Variants in SRCAP observed in about 807,000 individuals in gnomAD.
The protein encoded by SRCAP is Snf2 related CREBBP activator protein, also known as chromatin remodeling protein SRCAP.
A neutral mutation model predicts 263.1 loss-of-function variants in SRCAP; 46 were observed. That is an observed-to-expected ratio of 0.17 (90% confidence interval 0.14 to 0.22). The LOEUF (loss-of-function observed/expected upper bound fraction) is 0.22, where lower values mean the gene tolerates loss of function less well. Among genes scored for constraint, SRCAP ranks in the 10% least tolerant of loss-of-function variants. The pLI is 1.00. For synonymous variants in SRCAP, 1,813 were observed against 1,662.1 expected, an observed-to-expected ratio of 1.09 and a Z score of -2.21; for missense variants, 3,695 against 4,181.9, an observed-to-expected ratio of 0.88 and a Z score of 3.21.
chr16:30,712,306 G>A lies in SRCAP; in HGVS notation c.1860G>A (p.Glu620=), dbSNP rs1367414954. ...TGCTTCTGCGGGGCCAGCTCCGGGAGTACCAGCACATTGGGCTAGACTGGC... is the reference window on the plus strand; with the variant it reads ...TGCTTCTGCGGGGCCAGCTCCGGGAATACCAGCACATTGGGCTAGACTGGC... ...IPLLLRGQLR[E]YQHIGLDWLV... Residue 620 remains glutamate, a synonymous_variant, in exon 13 of 34, where the codon GAG becomes GAA. Transcript: ENST00000262518. 1.2e-6 allele frequency: 2 copies of A among 1,607,670 alleles called. No individual in the cohort carries two copies. Among genetic ancestry groups the A allele is most frequent in the South Asian group, 2.2e-5 (2 of 90,506 alleles).
chr16:30,726,079 A>G (rs867557170), intron 25 of SRCAP: 1 of 152,276 alleles, frequency 6.6e-6, no homozygotes, highest in East Asian at 1.9e-4. Context: ...AATGACTACC[A>G]TCCTACTTTT....
At chr16:30,726,233 TAATG>T (rs1177875737) in intron 25 of SRCAP, 3 of 152,246 alleles carry the variant, frequency 2.0e-5, no homozygotes, top group Non-Finnish European at 2.9e-5. Flanking sequence ...TGTTGAATAA[TAATG>T]TATGAATACC....
In SRCAP at chr16:30,704,510, A is replaced by G. The variant is rs189944583; in HGVS notation, c.306+195A>G. On this transcript the variant is annotated intron_variant, in intron 4 of 33. Transcript: ENST00000262518. ...CCTTGCTGTAAATAAAATAGGAATG[A>G]TATAATAGTTTATAGGCTATTAAGA... 1.1e-3 allele frequency among the ~76,000 whole-genome samples: 163 copies of G among 152,312 alleles called. 1 individual carries two copies. The highest frequency in any genetic ancestry group is 1.1e-3 in the Non-Finnish European group (73 of 68,022).
intron 3 of SRCAP, among the ~76,000 whole-genome samples, chr16:30,703,340 C>A (rs2052790347): frequency 6.6e-6 from 1 of 150,792 alleles, no homozygotes; most frequent in Admixed American, 6.6e-5. Context: ...ATTACAGGCT[C>A]CCGCCACCAC....
chr16:30,735,977 C>T (rs1471857728), intron 31 of SRCAP, among the ~76,000 whole-genome samples: 1 of 151,256 alleles, frequency 6.6e-6, no homozygotes. Flanking sequence ...CGAGCAATCT[C>T]AAAAATACTC....
At chr16:30,705,988 G>A (rs550997994) in intron 4 of SRCAP, among the ~76,000 whole-genome samples, 3 of 152,324 alleles carry the variant, frequency 2.0e-5, no homozygotes, top group East Asian at 1.9e-4. Flanking sequence ...ACAGGTGTGA[G>A]CACAACCTGT....
chr16:30,722,585 A>G lies in SRCAP; in HGVS notation c.3729A>G (p.Ser1243=), dbSNP rs2053021574. 2 of 1,613,932 alleles carry G rather than the reference A, an allele frequency of 1.2e-6. No homozygotes were observed. The highest frequency in any genetic ancestry group is 2.2e-5 in the South Asian group (2 of 91,066). Residue 1243 remains serine, a synonymous_variant, in exon 23 of 34, where the codon TCA becomes TCG. Transcript: ENST00000262518. ...PLQRNVVHLV[S]AGGQHHLISQ... ...CAGGGAATGTGGTGCACCTCGTGTC[A>G]GCAGGGGGGCAGCACCATCTCATCA...
chr16:30,736,833 C>T (rs547588045), intron 33 of SRCAP, among the ~76,000 whole-genome samples: 4 of 152,016 alleles, frequency 2.6e-5, no homozygotes, highest in East Asian at 1.9e-4. Context: ...CCACCACGCC[C>T]GGCTAATTTT....
rs752527165 is a variant in SRCAP, at chr16:30,724,418, C to T, written c.4994C>T (p.Pro1665Leu). The change falls in exon 25 of 34, where the codon CCA becomes CTA. Residue 1665 changes from proline to leucine, a missense_variant. Pro to Leu is a moderately conservative substitution (Grantham distance 98). Coordinates refer to ENST00000262518, the MANE Select transcript of SRCAP (RefSeq NM_006662.3). ...CCATCATCAACTCAAACTATGCTAC[C>T]AGCCCCGGTTCCGTCACCTCTCCCG... ...LAPSSTQTMLPAPVPSPLPSP... is the reference protein window; with the variant it reads ...LAPSSTQTMLLAPVPSPLPSP... 3.1e-6 allele frequency: 5 copies of T among 1,614,088 alleles called. No homozygotes were observed. The highest frequency in any genetic ancestry group is 3.3e-5 in the Admixed American group (2 of 60,002).
At chr16:30,705,371 G>A (rs151131732) in intron 4 of SRCAP, among the ~76,000 whole-genome samples, 2 of 152,218 alleles carry the variant, frequency 1.3e-5, no homozygotes, top group East Asian at 1.9e-4. Flanking sequence ...GCCCAGCAAT[G>A]TTTTTATTTT....
Position 30,724,072 on chromosome 16 carries a change from G to A in SRCAP, c.4648G>A (p.Val1550Met), listed in dbSNP as rs771975952. ...TVAPACSPVL[V>M]PASALASPFP... ...GGCCCCAGCATGCTCACCTGTCCTGGTGCCAGCTTCGGCTCTGGCCAGTCC... is the reference window on the plus strand; with the variant it reads ...GGCCCCAGCATGCTCACCTGTCCTGATGCCAGCTTCGGCTCTGGCCAGTCC... The change falls in exon 25 of 34, where the codon GTG becomes ATG. Residue 1550 changes from valine (V) to methionine (M), a missense_variant. Around this residue, in one of 12 missense-constraint regions of SRCAP, gnomAD observed 1,347 missense variants for 1,304.4 expected, o/e 1.03. Coordinates refer to ENST00000262518, the MANE Select transcript of SRCAP (RefSeq NM_006662.3). 1.9e-6 allele frequency: 3 copies of A among 1,613,508 alleles called. No homozygotes were observed. The highest frequency in any genetic ancestry group is 2.7e-5 in the African/African-American group (2 of 74,864).
At position 30,722,667 on chromosome 16, in the gene SRCAP, C is replaced by A; in HGVS notation, c.3811C>A (p.Pro1271Thr). 6.2e-7 allele frequency: 1 copy of A among 1,614,052 alleles called. No homozygotes were observed. The highest frequency in any genetic ancestry group is 8.5e-7 in the Non-Finnish European group (1 of 1,180,022). ...QAVAPTPGPT[P>T]VSVLPSSTPS... ...CGTGGCCCCGACCCCTGGCCCTACC[C>A]CTGTCTCTGTGCTGCCTTCTTCGAC... Residue 1271 changes from proline to threonine, a missense_variant, in exon 23 of 34, where the codon CCT becomes ACT. Coordinates refer to ENST00000262518, the MANE Select transcript of SRCAP (RefSeq NM_006662.3).
rs2053219796 is a variant in SRCAP at position 30,741,058 on chromosome 16, T to C, written c.*1325T>C. On this transcript the variant is annotated 3_prime_UTR_variant, in exon 34 of 34. Coordinates refer to ENST00000262518, the MANE Select transcript of SRCAP (RefSeq NM_006662.3). ...CATTTTGCAGGTTTCTGTGTGGTAA[T>C]GAGGTCATTTAGACTCAGTGTACTA... 6.6e-6 allele frequency: 1 copy of C among 152,232 alleles called. No homozygotes were observed. Among genetic ancestry groups the C allele is most frequent in the East Asian group, 1.9e-4 (1 of 5,198 alleles). The allele number at this position is 152,232 out of a possible 1,614,324, so 9.4% of individuals were successfully genotyped here.
In SRCAP at chr16:30,724,529, T is replaced by C; in HGVS notation, c.5105T>C (p.Leu1702Ser). 6.2e-7 allele frequency: 1 copy of C among 1,614,140 alleles called. No individual in the cohort carries two copies. Among genetic ancestry groups the C allele is most frequent in the African/African-American group, 1.3e-5 (1 of 75,012 alleles). Residue 1702 changes from leucine (L) to serine (S), a missense_variant, in exon 25 of 34, where the codon TTG (leucine) becomes TCG (serine). Coordinates refer to ENST00000262518, the MANE Select transcript of SRCAP (RefSeq NM_006662.3). ...TCATCTCCATCTCAGACACTCTCTTTGGGAACGGGGAACCCCCAGGGACCC... is the reference window on the plus strand; with the variant it reads ...TCATCTCCATCTCAGACACTCTCTTCGGGAACGGGGAACCCCCAGGGACCC... ...GGSSPSQTLS[L>S]GTGNPQGPFP... is the part of the protein sequence containing the mutation.
At chr16:30,706,009 C>T (rs573327940) in intron 4 of SRCAP, among the ~76,000 whole-genome samples, 11 of 152,150 alleles carry the variant, frequency 7.2e-5, no homozygotes, top group Non-Finnish European at 1.3e-4. Context: ...TTCTAAAAGT[C>T]CTCCAGATGA....
At chr16:30,707,839 T>A in intron 6 of SRCAP, 127 bp downstream of exon 6, 1 of 1,263,000 alleles carries the variant, frequency 7.9e-7, no homozygotes, top group Middle Eastern at 2.0e-4. Flanking sequence ...GACGTTTATG[T>A]TGTATGGATA....
intron 18 of SRCAP, 58 bp from the exon 19 acceptor site, chr16:30,720,104 C>T (rs2052995761): frequency 1.0e-5 from 16 of 1,554,478 alleles, no homozygotes; most frequent in South Asian, 5.9e-5. Flanking sequence ...GCTACATCTG[C>T]GTTGCAAAGG....
In SRCAP at chr16:30,721,194, C is replaced by A; in HGVS notation, c.3259C>A (p.Pro1087Thr). Residue 1087 changes from proline to threonine, a missense_variant, in exon 21 of 34, where the codon CCA becomes ACA. Around this residue, in one of 12 missense-constraint regions of SRCAP, gnomAD observed 1,347 missense variants for 1,304.4 expected, o/e 1.03. Coordinates refer to ENST00000262518, the MANE Select transcript of SRCAP (RefSeq NM_006662.3). ...TGTTTGCTTTGTGTCTGCAGTGTTG[C>A]CATCCCCCCTGGGGGTCCTGAGTGG... is the stretch of plus-strand genomic sequence containing the variant. ...PNSGSLPQVL[P>T]SPLGVLSGTS... 6.2e-7 allele frequency: 1 copy of A among 1,604,386 alleles called. No homozygotes were observed. The highest frequency in any genetic ancestry group is 8.5e-7 in the Non-Finnish European group (1 of 1,174,742).
At position 30,739,900 on chromosome 16, in the gene SRCAP, G is replaced by A; in HGVS notation, c.*167G>A. On this transcript the variant is annotated 3_prime_UTR_variant, in exon 34 of 34. Transcript: ENST00000262518. ...TAGGGGGTAGGCAACTGGTTGTCAT[G>A]GAAATGGGGATCATCACAGTCCCCT... 1 of 1,120,200 alleles carries A rather than the reference G, an allele frequency of 8.9e-7. No homozygotes were observed. Among genetic ancestry groups the A allele is most frequent in the East Asian group, 2.8e-5 (1 of 35,306 alleles). The allele number at this position is 1,120,200 out of a possible 1,614,324, so 69.4% of individuals were successfully genotyped here. A position where few individuals can be genotyped will look rare whatever the true frequency, so the allele number is the denominator to read the frequency against.
Sources: gnomAD v4.1 joint callset for allele counts (sites outside exome capture counted in the v4.1 genomes callset) on GRCh38, gnomAD v4.1.1 for gene constraint, gnomAD v4.1.1 regional missense constraint, MANE v1.5 for transcripts, NCBI Gene and HGNC (gene_info 2026-07-23, HGNC 2026-07-21) for gene names.